Variants in OSBPL3 observed in about 807,000 individuals in gnomAD.
OSBPL3 encodes oxysterol-binding protein-related protein 3.
A neutral mutation model predicts 120.1 loss-of-function variants in OSBPL3; 65 were observed. The ratio of observed to expected loss-of-function variants is 0.54; its 90% CI spans 0.44 to 0.67. The LOEUF (loss-of-function observed/expected upper bound fraction) is 0.67, where lower values mean the gene tolerates loss of function less well. OSBPL3 is among the 30% of genes least tolerant of loss of function. The pLI is 0.00. For missense variants in OSBPL3, 1,004 were observed against 1,082.1 expected (o/e 0.93, Z 1.01); for synonymous variants, 416 against 402.6 (o/e 1.03, Z -0.40).
Position 24,827,185 on chromosome 7 carries a change from A to T in OSBPL3, c.1884+3583T>A, listed in dbSNP as rs1170214022. Among the ~76,000 whole-genome samples the T allele has an allele frequency of 6.6e-6, 1 of 152,140 alleles. No homozygotes were observed. The highest frequency in any genetic ancestry group is 1.5e-5 in the Non-Finnish European group (1 of 68,008). ...ATTGTAGAGAGGCACAAGAAAACAA[A>T]CCTCTAAGCCATGAGAGCTTATCAA... is the stretch of plus-strand genomic sequence containing the variant. On this transcript the variant is annotated intron_variant, in intron 16 of 22. Transcript: ENST00000313367. This position sits in a 1 kb window ranked among gnomAD's most constrained non-coding sequence, Gnocchi z 5.1.
Position 24,842,263 on chromosome 7 carries a change from T to G in OSBPL3, c.1401+16A>C. 1 of 1,611,534 alleles carries G rather than the reference T, an allele frequency of 6.2e-7. No homozygotes were observed. Among genetic ancestry groups the G allele is most frequent in the Non-Finnish European group, 8.5e-7 (1 of 1,179,442 alleles). On this transcript the variant is annotated intron_variant, in intron 13 of 22. Coordinates refer to ENST00000313367, the MANE Select transcript of OSBPL3 (RefSeq NM_015550.4). ...GAGAGATTTTTGAGGCACCATACTG[T>G]AAACATTGCTCAAACCTCGTTTTCT... is the stretch of plus-strand genomic sequence containing the variant.
rs769370007 is a variant in OSBPL3 at position 24,867,763 on chromosome 7, G to T, written c.382-1526C>A. On this transcript the variant is annotated intron_variant, in intron 5 of 22. Coordinates refer to ENST00000313367, the MANE Select transcript of OSBPL3 (RefSeq NM_015550.4). The surrounding 1 kb of genome is among the most constrained non-coding windows in gnomAD (Gnocchi z 4.5). ...ACTAATACAATATGTTAATGAATGT[G>T]AAAGTTATTTAAAAAAACATTTCTC... is the stretch of plus-strand genomic sequence containing the variant. Among the ~76,000 whole-genome samples the T allele has an allele frequency of 2.6e-5, 4 of 152,018 alleles. No individual in the cohort carries two copies. The highest frequency in any genetic ancestry group is 1.3e-4 in the Admixed American group (2 of 15,258).
At chr7:24,847,500 T>G (rs754758883) in intron 12 of OSBPL3, among the ~76,000 whole-genome samples, 1 of 152,236 alleles carries the variant, frequency 6.6e-6, no homozygotes, top group Admixed American at 6.5e-5. Context: ...CTTTCAGGTA[T>G]GCTACTTTTA....
At chr7:24,853,676 T>A (rs951979094) in intron 10 of OSBPL3, among the ~76,000 whole-genome samples, 1 of 152,348 alleles carries the variant, frequency 6.6e-6, no homozygotes, top group South Asian at 2.1e-4. Flanking sequence ...AGTATTCCTA[T>A]TTTATATACT....
At position 24,968,585 on chromosome 7, in the gene OSBPL3, C is replaced by T. The variant is rs1164356795; in HGVS notation, c.-150+11301G>A. ...CTAATTTTTTTATTTTTAGTACAGA[C>T]AGGGTTTCACCATGTTGGCCAGGCT... On this transcript the variant is annotated intron_variant, in intron 1 of 22. Coordinates refer to ENST00000313367, the MANE Select transcript of OSBPL3 (RefSeq NM_015550.4). This position sits in a 1 kb window ranked among gnomAD's most constrained non-coding sequence, Gnocchi z 4.6. Among the ~76,000 whole-genome samples the T allele has an allele frequency of 2.0e-5, 3 of 152,152 alleles. No individual in the cohort carries two copies. The highest frequency in any genetic ancestry group is 4.4e-5 in the Non-Finnish European group (3 of 68,030).
rs139425283 is a variant in OSBPL3 at position 24,800,925 on chromosome 7, G to C, written c.2568-646C>G. On this transcript the variant is annotated intron_variant, in intron 22 of 22. Transcript: ENST00000313367. ...CTACACATCAACCAGGTTGTACATA[G>C]GAAGTGGTTAACTTTTTTTTTTTTT... Among the ~76,000 whole-genome samples, 477 of 151,184 alleles carry C rather than the reference G, an allele frequency of 3.2e-3. 6 individuals carry two copies. The highest frequency in any genetic ancestry group is 0.01 in the African/African-American group (425 of 41,170).
intron 2 of OSBPL3, among the ~76,000 whole-genome samples, chr7:24,878,957 T>C (rs948466360): frequency 5.3e-5 from 8 of 152,110 alleles, no homozygotes; most frequent in African/African-American, 1.7e-4. Context: ...TCTCAAAAAA[T>C]TGGGATTTGA....
intron 2 of OSBPL3, among the ~76,000 whole-genome samples, chr7:24,889,336 G>A (rs1032173259): frequency 3.3e-5 from 5 of 152,186 alleles, no homozygotes; most frequent in African/African-American, 1.2e-4. Flanking sequence ...ATGGTAGTTA[G>A]CAGGGTCTGA....
intron 1 of OSBPL3, among the ~76,000 whole-genome samples, chr7:24,976,984 G>A (rs939476325): frequency 4.6e-5 from 7 of 152,172 alleles, no homozygotes; most frequent in Non-Finnish European, 8.8e-5. Context: ...CAGTGTCAGC[G>A]TAAGAGTAGA....
In OSBPL3 at chr7:24,935,028, C is replaced by T. The variant is rs17230411; in HGVS notation, c.-149-42407G>A. Reference sequence around the variant, plus strand: ...CTTTCAAAAAATATGTACAAGGTTGCTCATCATAAGGTTGTTTGTACTAGT... The same window carrying T: ...CTTTCAAAAAATATGTACAAGGTTGTTCATCATAAGGTTGTTTGTACTAGT... On this transcript the variant is annotated intron_variant, in intron 1 of 22. Transcript: ENST00000313367. Among the ~76,000 whole-genome samples the T allele has an allele frequency of 3.5e-3, 529 of 152,160 alleles. 3 individuals are homozygous for T. The highest frequency in any genetic ancestry group is 5.3e-3 in the Admixed American group (81 of 15,280).
rs1806490789 is a variant in OSBPL3, at chr7:24,898,425, A to G, written c.-149-5804T>C. 6.6e-6 allele frequency among the ~76,000 whole-genome samples: 1 copy of G among 152,156 alleles called. No individual in the cohort carries two copies. Among genetic ancestry groups the G allele is most frequent in the Non-Finnish European group, 1.5e-5 (1 of 68,034 alleles). ...AGAAGTCCCTTCTTTAAAGTCTAAC[A>G]ATTCCTCCACAAACCATTTTTTTTT... is the stretch of plus-strand genomic sequence containing the variant. On this transcript the variant is annotated intron_variant, in intron 1 of 22. Coordinates refer to ENST00000313367, the MANE Select transcript of OSBPL3 (RefSeq NM_015550.4). This position sits in a 1 kb window ranked among gnomAD's most constrained non-coding sequence, Gnocchi z 4.3.
chr7:24,895,448 A>G (rs1806003232), intron 1 of OSBPL3, among the ~76,000 whole-genome samples: 1 of 152,190 alleles, frequency 6.6e-6, no homozygotes, highest in African/African-American at 2.4e-5. Flanking sequence ...AGTATACTCT[A>G]TGATGTTCCC....
intron 1 of OSBPL3, among the ~76,000 whole-genome samples, chr7:24,949,142 A>G (rs1814085797): frequency 6.6e-6 from 1 of 152,210 alleles, no homozygotes; most frequent in Admixed American, 6.5e-5. Flanking sequence ...GAATTTATCA[A>G]TTTGCTTATT....
intron 1 of OSBPL3, among the ~76,000 whole-genome samples, chr7:24,928,647 C>T (rs574225188): frequency 6.6e-6 from 1 of 152,316 alleles, no homozygotes; most frequent in East Asian, 1.9e-4. Context: ...AACATTCCCT[C>T]ACCCAAAGAG....
Position 24,883,482 on chromosome 7 carries a change from T to G in OSBPL3, c.96+8895A>C, listed in dbSNP as rs1391203655. 6.6e-6 allele frequency among the ~76,000 whole-genome samples: 1 copy of G among 152,226 alleles called. No homozygotes were observed. The highest frequency in any genetic ancestry group is 2.4e-5 in the African/African-American group (1 of 41,456). ...ACATTCCATTACCTTGTACAGCTGCTATGCTGTGCTCTCAACCAGAGCATC... is the reference window on the plus strand; with the variant it reads ...ACATTCCATTACCTTGTACAGCTGCGATGCTGTGCTCTCAACCAGAGCATC... On this transcript the variant is annotated intron_variant, in intron 2 of 22. Transcript: ENST00000313367. This position sits in a 1 kb window ranked among gnomAD's most constrained non-coding sequence, Gnocchi z 5.4.
At position 24,815,228 on chromosome 7, in the gene OSBPL3, T is replaced by C. The variant is rs974022152; in HGVS notation, c.2028-25A>G. On this transcript the variant is annotated intron_variant, in intron 18 of 22. Transcript: ENST00000313367. The surrounding 1 kb of genome is among the most constrained non-coding windows in gnomAD (Gnocchi z 5.1). ...ACTAAAAAGAAGGAAAAAGTAGAAG[T>C]ACCAATTTCTAGAAGAGCCAGCAGC... is the stretch of plus-strand genomic sequence containing the variant. 6.2e-7 allele frequency: 1 copy of C among 1,601,578 alleles called. No homozygotes were observed. Among genetic ancestry groups the C allele is most frequent in the Non-Finnish European group, 8.5e-7 (1 of 1,172,490 alleles).
At position 24,808,983 on chromosome 7, in the gene OSBPL3, C is replaced by G. The variant is rs1793417487; in HGVS notation, c.2317+824G>C. ...ATTTTGCATTCATTAGGGGAAACAC[C>G]ACGGCACACTGGGAGTAGCAGAATG... On this transcript the variant is annotated intron_variant, in intron 20 of 22. Transcript: ENST00000313367. The surrounding 1 kb of genome is among the most constrained non-coding windows in gnomAD (Gnocchi z 4.6). Among the ~76,000 whole-genome samples, 1 of 151,998 alleles carries G rather than the reference C, an allele frequency of 6.6e-6. No homozygotes were observed. Among genetic ancestry groups the G allele is most frequent in the African/African-American group, 2.4e-5 (1 of 41,364 alleles).
At chr7:24,970,279 G>T (rs1428682720) in intron 1 of OSBPL3, among the ~76,000 whole-genome samples, 3 of 151,910 alleles carry the variant, frequency 2.0e-5, no homozygotes, top group Non-Finnish European at 2.9e-5. Context: ...GCTAATTTTT[G>T]TATTTTTAGT....
chr7:24,962,392 G>A lies in OSBPL3; in HGVS notation c.-150+17494C>T, dbSNP rs1439587546. 1.0e-3 allele frequency among the ~76,000 whole-genome samples: 132 copies of A among 125,742 alleles called. 3 individuals carry two copies. The highest frequency in any genetic ancestry group is 3.0e-3 in the African/African-American group (104 of 34,786). 82.5% of individuals were successfully genotyped at this position (125,742 alleles called of 152,430 possible). A position where few individuals can be genotyped will look rare whatever the true frequency, so the allele number is the denominator to read the frequency against. On this transcript the variant is annotated intron_variant, in intron 1 of 22. Transcript: ENST00000313367. ...AAAGAAAGGAGAGGAGAGGGGAGGG[G>A]GGAGGGGAGGGCAGAAGGGAGGGGA...
Sources: gnomAD v4.1 joint callset for allele counts (sites outside exome capture counted in the v4.1 genomes callset) on GRCh38, gnomAD v4.1.1 for gene constraint, Gnocchi (gnomAD v3.1) non-coding constraint, MANE v1.5 for transcripts, NCBI Gene and HGNC (gene_info 2026-07-23, HGNC 2026-07-21) for gene names.